METTL22: variants seen among roughly 807,000 people sequenced by gnomAD.
METTL22 encodes the protein methyltransferase 22, Kin17 lysine.
Under a neutral mutation model 48.4 loss-of-function variants are expected in METTL22, and 51 were observed. That is an observed-to-expected ratio of 1.05 (90% CI 0.84 to 1.33). The LOEUF is 1.33. Ranked by LOEUF, METTL22 falls within the 40% of genes most tolerant of loss-of-function variation. METTL22 has a pLI of 0.00. For missense variants in METTL22, 678 were observed against 526.9 expected (o/e 1.29, Z -2.81); for synonymous variants, 255 against 214.1 (o/e 1.19, Z -1.67).
chr16:8,650,301 C>G, downstream of METTL22, among the ~76,000 whole-genome samples: 1 of 152,346 alleles, frequency 6.6e-6, no homozygotes, highest in African/African-American at 2.4e-5. Flanking sequence ...TACACCCTCA[C>G]AGCCTTACAG....
chr16:8,629,026 G>C lies in METTL22; in HGVS notation c.430G>C (p.Val144Leu). The part of the protein sequence containing the change: ...SNPAGPLRDK[V>L]HPMILAQEED... Reference sequence around the variant, plus strand: ...CCCAGCAGGGCCTCTGAGAGACAAGGTACATCCCATGATTCTAGCACAGGA... The same window carrying C: ...CCCAGCAGGGCCTCTGAGAGACAAGCTACATCCCATGATTCTAGCACAGGA... Residue 144 changes from valine (V) to leucine (L), a missense_variant, in exon 3 of 11, where the codon GTA becomes CTA. By Grantham distance (32) the Val-to-Leu change is conservative. Coordinates refer to ENST00000381920, the MANE Select transcript of METTL22 (RefSeq NM_024109.4). The C allele has an allele frequency of 1.2e-6, 2 of 1,614,102 alleles. No homozygotes were observed. Among genetic ancestry groups the C allele is most frequent in the Non-Finnish European group, 1.7e-6 (2 of 1,180,038 alleles).
chr16:8,641,331 C>T lies in METTL22; in HGVS notation c.826+147C>T, dbSNP rs2056610724. 1.6e-5 allele frequency: 12 copies of T among 771,818 alleles called. No individual in the cohort carries two copies. The South Asian group carries it at 1.6e-4, about 10-fold the overall frequency. The allele number at this position is 771,818 out of a possible 1,614,324, so 47.8% of individuals were successfully genotyped here. On this transcript the variant is annotated intron_variant, in intron 7 of 10. Transcript: ENST00000381920. ...CGCATGGCAGCTTCTCTCCATTGGC[C>T]GATGAGCACCAGCTGTCATTCTCTG...
intron 2 of METTL22, among the ~76,000 whole-genome samples, chr16:8,628,191 C>A (rs1432358142): frequency 6.6e-6 from 1 of 152,170 alleles, no homozygotes; most frequent in Non-Finnish European, 1.5e-5. Context: ...AATGTTTCTT[C>A]CCCAACTTCA....
At position 8,644,468 on chromosome 16, in the gene METTL22, G is replaced by C; in HGVS notation, c.1011-89G>C. 3 of 1,334,090 alleles carry C rather than the reference G, an allele frequency of 2.2e-6. No homozygotes were observed. The South Asian group carries it at 4.3e-5, about 19-fold the overall frequency. 82.6% of individuals were successfully genotyped at this position (1,334,090 alleles called of 1,614,324 possible). A position where few individuals can be genotyped will look rare whatever the true frequency, so the allele number is the denominator to read the frequency against. On this transcript the variant is annotated intron_variant, in intron 9 of 10. Transcript: ENST00000381920. Reference sequence around the variant, plus strand: ...AGCCCGTCCAGGGGATATGAGATCAGTGAGGGATAGGAAAGCAAGGTGGGC... The same window carrying C: ...AGCCCGTCCAGGGGATATGAGATCACTGAGGGATAGGAAAGCAAGGTGGGC...
At chr16:8,641,643 CT>C (rs60367708) in intron 7 of METTL22, 318,165 of 330,762 alleles carry the variant, frequency 0.96, 153,018 homozygotes, top group East Asian at 0.98. Context: ...ATAAAGATGT[CT>C]TTTTTTTTTT....
chr16:8,622,916 T>G (rs375317717), intron 1 of METTL22, among the ~76,000 whole-genome samples: 18 of 152,198 alleles, frequency 1.2e-4, no homozygotes, highest in African/African-American at 3.9e-4. Flanking sequence ...AGAATTTGAG[T>G]TTTTTTGTGT....
chr16:8,633,079 A>G (rs1360247105), intron 3 of METTL22, among the ~76,000 whole-genome samples: 1 of 152,050 alleles, frequency 6.6e-6, no homozygotes, highest in Non-Finnish European at 1.5e-5. Context: ...CACCCAGGAG[A>G]TGGCATGGGT....
At chr16:8,626,630 GT>G (rs2056064348) in intron 2 of METTL22, among the ~76,000 whole-genome samples, 1 of 143,016 alleles carries the variant, frequency 7.0e-6, no homozygotes, top group Admixed American at 7.1e-5. Context: ...TGTATTTTTA[GT>G]ACAGACAGAG....
At chr16:8,665,143 A>C in the METTL22 span, among the ~76,000 whole-genome samples, 1 of 64,906 alleles carries the variant, frequency 1.5e-5, no homozygotes, top group Non-Finnish European at 3.9e-5. Context: ...AAAAATACAA[A>C]AAAAGTAATA....
chr16:8,653,820 A>G (rs1290112794), downstream of METTL22, among the ~76,000 whole-genome samples: 1 of 152,190 alleles, frequency 6.6e-6, no homozygotes, highest in Non-Finnish European at 1.5e-5. Context: ...CAGTAGGACC[A>G]GGACTTAGAG....
chr16:8,635,448 C>A, intron 5 of METTL22, 136 bp downstream of exon 5: 1 of 1,051,486 alleles, frequency 9.5e-7, no homozygotes, highest in Non-Finnish European at 1.3e-6. Flanking sequence ...GTCCCCTGGC[C>A]CTCTCCACTC....
At chr16:8,652,716 T>C (rs770204960), downstream of METTL22, among the ~76,000 whole-genome samples, 7 of 151,990 alleles carry the variant, frequency 4.6e-5, no homozygotes, top group African/African-American at 1.4e-4. Flanking sequence ...TCATCTAAAC[T>C]AAGGGAGCTG....
At chr16:8,650,852 C>G (rs894128087), downstream of METTL22, among the ~76,000 whole-genome samples, 2 of 151,960 alleles carry the variant, frequency 1.3e-5, no homozygotes, top group Admixed American at 6.6e-5. Context: ...TGACAAAACC[C>G]CGTATCTACT....
chr16:8,641,372 C>T (rs1596361336), intron 7 of METTL22, 188 bp downstream of exon 7: 2 of 688,260 alleles, frequency 2.9e-6, no homozygotes, highest in African/African-American at 3.5e-5. Flanking sequence ...CTGCTGCATG[C>T]TGGGCACCTC....
chr16:8,632,267 C>T (rs902441730), intron 3 of METTL22: 3 of 152,174 alleles, frequency 2.0e-5, no homozygotes, highest in Non-Finnish European at 4.4e-5. Flanking sequence ...ATCAATTCGC[C>T]CTGGTGTTTT....
At chr16:8,652,688 A>AATT (rs34206993), downstream of METTL22, among the ~76,000 whole-genome samples, 12 of 149,828 alleles carry the variant, frequency 8.0e-5, no homozygotes, top group East Asian at 5.9e-4. Context: ...TAAAAAAAAA[A>AATT]TTTTTTTAAT....
In METTL22 at chr16:8,625,606, T is replaced by C. The variant is rs2056018628; in HGVS notation, c.-60T>C. On this transcript the variant is annotated 5_prime_UTR_variant, in exon 2 of 11. The change abolishes the stop of an existing upstream ORF in the 5' untranslated region. Transcript: ENST00000381920. ...GTATCTCCTCTGGGACCTGCCATGC[T>C]GAGGACCCATTCTCACCTCTGAGGG... is the stretch of plus-strand genomic sequence containing the variant. 4 of 1,589,614 alleles carry C rather than the reference T, an allele frequency of 2.5e-6. No individual in the cohort carries two copies. The highest frequency in any genetic ancestry group is 3.4e-6 in the Non-Finnish European group (4 of 1,162,530).
intron 5 of METTL22, among the ~76,000 whole-genome samples, chr16:8,638,012 T>A (rs1302105922): frequency 6.7e-6 from 1 of 149,244 alleles, no homozygotes; most frequent in Admixed American, 6.7e-5. Flanking sequence ...CCAGGCATGG[T>A]GGCGTGTGCC....
At chr16:8,646,006 T>C (rs1567249024) in intron 10 of METTL22, 102 bp from the exon 11 acceptor site, 4 of 1,556,200 alleles carry the variant, frequency 2.6e-6, no homozygotes, top group South Asian at 1.2e-5. Flanking sequence ...GTGGCTGACG[T>C]GTTGTCTAAC....
Sources: gnomAD v4.1 joint callset for allele counts (sites outside exome capture counted in the v4.1 genomes callset) on GRCh38, gnomAD v4.1.1 for gene constraint, MANE v1.5 for transcripts, NCBI Gene and HGNC (gene_info 2026-07-23, HGNC 2026-07-21) for gene names.